CDC42BPB: variants seen among roughly 807,000 people sequenced by gnomAD.
CDC42BPB encodes the protein serine/threonine-protein kinase MRCK beta.
CDC42BPB carries 37 observed loss-of-function variants against 214.9 expected under a neutral mutation model. That is an observed-to-expected ratio of 0.17 (90% CI 0.13 to 0.23). The LOEUF is 0.23. CDC42BPB is among the 10% of genes least tolerant of loss of function. CDC42BPB has a pLI of 1.00. For missense variants in CDC42BPB, 1,694 were observed against 2,227.0 expected, an observed-to-expected ratio of 0.76 and a Z score of 4.82; for synonymous variants, 931 against 884.0, an observed-to-expected ratio of 1.05 and a Z score of -0.94.
At chr14:103,025,034 C>T (rs1886973724) in intron 1 of CDC42BPB, among the ~76,000 whole-genome samples, 2 of 152,118 alleles carry the variant, frequency 1.3e-5, no homozygotes, top group Admixed American at 6.5e-5. Context: ...TTTGAAATTT[C>T]TTTGTGTCAC....
At chr14:103,023,770 A>G (rs1355634564) in intron 1 of CDC42BPB, among the ~76,000 whole-genome samples, 1 of 152,150 alleles carries the variant, frequency 6.6e-6, no homozygotes, top group Non-Finnish European at 1.5e-5. Flanking sequence ...TATTATATTA[A>G]ATATATATCT....
In CDC42BPB at chr14:102,980,597, T is replaced by C. The variant is rs149394369; in HGVS notation, c.1140+176A>G. 1.4e-3 allele frequency among the ~76,000 whole-genome samples: 211 copies of C among 152,260 alleles called. 1 individual carries two copies. The highest frequency in any genetic ancestry group is 4.8e-3 in the African/African-American group (201 of 41,552). ...AATTTTACTCAAATTGAGTCATCCA[T>C]CATTTTTTAAAGGAATATTAAGGAC... is the stretch of plus-strand genomic sequence containing the variant. On this transcript the variant is annotated intron_variant, in intron 8 of 36. Coordinates refer to ENST00000361246, the MANE Select transcript of CDC42BPB (RefSeq NM_006035.4).
chr14:102,949,348 T>TGGCC (rs1892372270), intron 26 of CDC42BPB, among the ~76,000 whole-genome samples: 1 of 152,114 alleles, frequency 6.6e-6, no homozygotes. Flanking sequence ...CACACCCACA[T>TGGCC]GGCCCACGGC....
At chr14:103,056,929 CG>C in intron 1 of CDC42BPB, 69 bp downstream of exon 1, 1 of 1,026,232 alleles carries the variant, frequency 9.7e-7, no homozygotes, top group Non-Finnish European at 1.2e-6. Flanking sequence ...GATGGGCGGG[CG>C]TGGGGATGCG....
chr14:102,947,725 A>C lies in CDC42BPB; in HGVS notation c.3527T>G (p.Phe1176Cys). The C allele has an allele frequency of 6.2e-7, 1 of 1,609,856 alleles. No homozygotes were observed. Among genetic ancestry groups the C allele is most frequent in the Non-Finnish European group, 8.5e-7 (1 of 1,177,322 alleles). The change falls in exon 27 of 37, where the codon TTC becomes TGC. Residue 1176 changes from phenylalanine to cysteine, a missense_variant. Phe to Cys is a radical substitution (Grantham distance 205). Coordinates refer to ENST00000361246, the MANE Select transcript of CDC42BPB (RefSeq NM_006035.4). Reference protein sequence around the residue: ...HATRRDIPCIFRVTASLLGAP... With the variant: ...HATRRDIPCICRVTASLLGAP... ...AGATTAATGAAAAATTCATACCCTGAATATACATGGAATATCTCGGCGTGT... is the reference window on the plus strand; with the variant it reads ...AGATTAATGAAAAATTCATACCCTGCATATACATGGAATATCTCGGCGTGT...
At chr14:103,028,397 G>C (rs993527040) in intron 1 of CDC42BPB, among the ~76,000 whole-genome samples, 1 of 152,228 alleles carries the variant, frequency 6.6e-6, no homozygotes. Flanking sequence ...TTTCCTTGTG[G>C]GTAAATTAAG....
rs549626733 is a variant in CDC42BPB, at chr14:102,974,384, T to C, written c.1508-235A>G. The C allele has an allele frequency of 2.1e-5, 21 of 984,434 alleles. No individual in the cohort carries two copies. The Admixed American group carries it at 1.0e-3, about 49-fold the overall frequency. The allele number at this position is 984,434 out of a possible 1,614,324, so 61.0% of individuals were successfully genotyped here. On this transcript the variant is annotated intron_variant, in intron 11 of 36. Transcript: ENST00000361246. ...AGGCTCCCTAGACTTTACTCTGATC[T>C]GACAGCGATCTCCCCTGAGCACTGG...
At chr14:103,047,278 TCA>T (rs762973046) in intron 1 of CDC42BPB, among the ~76,000 whole-genome samples, 5 of 74,722 alleles carry the variant, frequency 6.7e-5, no homozygotes, top group African/African-American at 3.9e-4. Flanking sequence ...AGTAATACTC[TCA>T]AAAAAAAAAA....
chr14:103,014,634 C>T (rs1173106652), intron 1 of CDC42BPB, among the ~76,000 whole-genome samples: 3 of 152,122 alleles, frequency 2.0e-5, no homozygotes, highest in Non-Finnish European at 2.9e-5. Flanking sequence ...TTGCTCAACA[C>T]CACTGAGGTT....
chr14:103,015,938 G>A (rs1016742429), intron 1 of CDC42BPB, among the ~76,000 whole-genome samples: 2 of 151,418 alleles, frequency 1.3e-5, no homozygotes, highest in Admixed American at 6.6e-5. Flanking sequence ...GGATGGTCTC[G>A]ATCTCCTGAC....
At chr14:103,036,966 C>T (rs1477143045) in intron 1 of CDC42BPB, among the ~76,000 whole-genome samples, 1 of 152,054 alleles carries the variant, frequency 6.6e-6, no homozygotes, top group Non-Finnish European at 1.5e-5. Flanking sequence ...CAGGCCCACA[C>T]CACCACGTCC....
At chr14:102,992,760 T>C (rs1047538199) in intron 5 of CDC42BPB, among the ~76,000 whole-genome samples, 1 of 149,160 alleles carries the variant, frequency 6.7e-6, no homozygotes, top group Non-Finnish European at 1.5e-5. Context: ...AAAATATATA[T>C]ATTCAAAAAA....
chr14:103,007,755 G>A (rs932335277), intron 3 of CDC42BPB, among the ~76,000 whole-genome samples: 7 of 151,560 alleles, frequency 4.6e-5, no homozygotes, highest in Admixed American at 3.3e-4. Flanking sequence ...CGGGAGTCAC[G>A]GGAGAGGATG....
chr14:103,032,425 A>G (rs1028802063), intron 1 of CDC42BPB, among the ~76,000 whole-genome samples: 1 of 151,944 alleles, frequency 6.6e-6, no homozygotes, highest in Non-Finnish European at 1.5e-5. Flanking sequence ...GGCCAATAGT[A>G]TAGGAATGAT....
Position 103,001,297 on chromosome 14 carries a change from C to G in CDC42BPB, c.448-1584G>C, listed in dbSNP as rs993996602. 6.6e-6 allele frequency among the ~76,000 whole-genome samples: 1 copy of G among 152,206 alleles called. No individual in the cohort carries two copies. The highest frequency in any genetic ancestry group is 1.5e-5 in the Non-Finnish European group (1 of 68,028). ...CTCTGGCAACAGGGGTGCTGGCATG[C>G]ACGAGACAGCGAGGTCCCTGGCTCA... On this transcript the variant is annotated intron_variant, in intron 4 of 36. Coordinates refer to ENST00000361246, the MANE Select transcript of CDC42BPB (RefSeq NM_006035.4). The surrounding 1 kb of genome is among the most constrained non-coding windows in gnomAD (Gnocchi z 5.8).
chr14:102,945,605 TG>T, intron 29 of CDC42BPB, 56 bp downstream of exon 29: 1 of 1,494,606 alleles, frequency 6.7e-7, no homozygotes, highest in Non-Finnish European at 9.3e-7. Context: ...CTGTGCTGTC[TG>T]CAGAGGCCAG....
At chr14:103,056,639 G>T (rs924905705) in intron 1 of CDC42BPB, among the ~76,000 whole-genome samples, 11 of 149,904 alleles carry the variant, frequency 7.3e-5, no homozygotes, top group Non-Finnish European at 1.5e-4. Context: ...CTCGGAGGGT[G>T]GATCTAGGAA....
At chr14:102,939,292 G>A (rs571500791) in intron 34 of CDC42BPB, among the ~76,000 whole-genome samples, 1 of 152,348 alleles carries the variant, frequency 6.6e-6, no homozygotes, top group South Asian at 2.1e-4. Context: ...TTGGTACGAA[G>A]GTGTTACTGA....
intron 1 of CDC42BPB, among the ~76,000 whole-genome samples, chr14:103,051,893 T>G (rs1262407696): frequency 6.6e-6 from 1 of 152,174 alleles, no homozygotes; most frequent in Non-Finnish European, 1.5e-5. Flanking sequence ...TTGCCCAGGC[T>G]GGTGTGCAGT....
Sources: gnomAD v4.1 joint callset for allele counts (sites outside exome capture counted in the v4.1 genomes callset) on GRCh38, gnomAD v4.1.1 for gene constraint, Gnocchi (gnomAD v3.1) non-coding constraint, MANE v1.5 for transcripts, NCBI Gene and HGNC (gene_info 2026-07-23, HGNC 2026-07-21) for gene names.